PNPLA6: variants seen among roughly 807,000 people sequenced by gnomAD.
The protein encoded by PNPLA6 is patatin like domain 6, lysophospholipase, also known as patatin-like phospholipase domain-containing protein 6.
Under a neutral mutation model 153.7 loss-of-function variants are expected in PNPLA6, and 105 were observed. That is an observed-to-expected ratio of 0.68 (90% CI 0.58 to 0.80). The LOEUF (loss-of-function observed/expected upper bound fraction) is 0.80, where lower values mean the gene tolerates loss of function less well. Among genes scored for constraint, PNPLA6 ranks in the 30% least tolerant of loss-of-function variants. PNPLA6 has a pLI of 0.00. For synonymous variants in PNPLA6, 825 were observed against 822.2 expected, an observed-to-expected ratio of 1.00 and a Z score of -0.06; for missense variants, 1,423 against 1,919.3, an observed-to-expected ratio of 0.74 and a Z score of 4.83.
chr19:7,545,909 C>CAA (rs554820974), intron 13 of PNPLA6, among the ~76,000 whole-genome samples: 321 of 100,088 alleles, frequency 3.2e-3, no homozygotes, highest in Middle Eastern at 5.8e-3. Flanking sequence ...GACCCTGTCT[C>CAA]AAAAAAAAAA....
Position 7,555,802 on chromosome 19 carries a change from G to C in PNPLA6, c.3093+39G>C, listed in dbSNP as rs769546587. ...GGAGGGATTGCTGCACCCCAGGAGT[G>C]CCATAAAACCCGTGGTTCCAACCTA... On this transcript the variant is annotated intron_variant, in intron 24 of 31. Coordinates refer to ENST00000600737, the MANE Select transcript of PNPLA6 (RefSeq NM_001166114.2). This position sits in a 1 kb window ranked among gnomAD's most constrained non-coding sequence, Gnocchi z 6.3. 1.2e-6 allele frequency: 2 copies of C among 1,606,824 alleles called. No homozygotes were observed. Among genetic ancestry groups the C allele is most frequent in the Non-Finnish European group, 1.7e-6 (2 of 1,177,760 alleles).
chr19:7,559,576 T>TGC (rs1293054570), intron 28 of PNPLA6, among the ~76,000 whole-genome samples: 1 of 152,164 alleles, frequency 6.6e-6, no homozygotes, highest in Non-Finnish European at 1.5e-5. Flanking sequence ...TGGTGGCTCA[T>TGC]GCTTGTAATC....
At position 7,550,025 on chromosome 19, in the gene PNPLA6, C is replaced by T. The variant is rs1184836575; in HGVS notation, c.1727C>T (p.Ala576Val). ...AQPGELVGQLAVLTGEPLIFT... is the reference protein window; with the variant it reads ...AQPGELVGQLVVLTGEPLIFT... The stretch of plus-strand genomic sequence containing the variant: ...CCCGGGGAACTGGTGGGGCAGCTGG[C>T]GGTGCTCACTGGCGAACCTCTCATC... Residue 576 changes from alanine (A) to valine (V), a missense_variant, in exon 14 of 32, where the codon GCG (alanine) becomes GTG (valine). Ala to Val is a moderately conservative substitution (Grantham distance 64). Around this residue, in one of 10 missense-constraint regions of PNPLA6, gnomAD observed 119 missense variants for 163.7 expected, o/e 0.73. Coordinates refer to ENST00000600737, the MANE Select transcript of PNPLA6 (RefSeq NM_001166114.2). The T allele has an allele frequency of 6.2e-7, 1 of 1,613,908 alleles. No individual in the cohort carries two copies. Among genetic ancestry groups the T allele is most frequent in the Non-Finnish European group, 8.5e-7 (1 of 1,180,036 alleles).
At position 7,561,233 on chromosome 19, in the gene PNPLA6, G is replaced by A; in HGVS notation, c.3939G>A (p.Glu1313=). The change falls in exon 31 of 32, where the codon GAG becomes GAA. Residue 1313 remains glutamate (E), a synonymous_variant. Transcript: ENST00000600737. ...GAGAGGAGTCAGATTGTCTGACAGA[G>A]TATGAGGAGGACGCCGGACCCGACT... ...ADGEESDCLT[E]YEEDAGPDCS... is the part of the protein sequence containing the mutation. The A allele has an allele frequency of 1.9e-6, 3 of 1,610,592 alleles. No individual in the cohort carries two copies. The highest frequency in any genetic ancestry group is 2.5e-6 in the Non-Finnish European group (3 of 1,178,960).
rs117630756 is a variant in PNPLA6, at chr19:7,542,084, C to A, written c.1252+17C>A. 44,719 of 1,597,114 alleles carry A rather than the reference C, an allele frequency of 0.028. 793 individuals carry two copies. The highest frequency in any genetic ancestry group is 0.033 in the Non-Finnish European group (38,474 of 1,174,244). ...ACATCTCAGGTTTGGAGCACTGGGTCTGCGGGGAGGGCCATGGAGCTTCCA... is the reference window on the plus strand; with the variant it reads ...ACATCTCAGGTTTGGAGCACTGGGTATGCGGGGAGGGCCATGGAGCTTCCA... On this transcript the variant is annotated intron_variant, in intron 10 of 31. Transcript: ENST00000600737.
chr19:7,534,905 G>A (rs185247203), upstream of PNPLA6: 401 of 160,354 alleles, frequency 2.5e-3, 2 homozygotes, highest in African/African-American at 9.2e-3. Flanking sequence ...TCTGAAACGT[G>A]GGTATCAGAC....
intron 10 of PNPLA6, 42 bp downstream of exon 10, chr19:7,542,109 A>G (rs1243217548): frequency 6.5e-7 from 1 of 1,527,622 alleles, no homozygotes; most frequent in Admixed American, 1.7e-5. Context: ...TGGAGCTTCC[A>G]GGTTTGAATC....
At chr19:7,556,228 A>T (rs749984855) in intron 24 of PNPLA6, among the ~76,000 whole-genome samples, 4 of 151,270 alleles carry the variant, frequency 2.6e-5, no homozygotes, top group Admixed American at 1.3e-4. Flanking sequence ...AGCCCGGCAA[A>T]TTTTTTTGTA....
Position 7,546,903 on chromosome 19 carries a change from A to G in PNPLA6, c.1609-3004A>G, listed in dbSNP as rs550437891. Among the ~76,000 whole-genome samples the G allele has an allele frequency of 7.6e-5, 9 of 118,538 alleles. No individual in the cohort carries two copies. In the Admixed American group the frequency reaches 7.8e-4, roughly 10 times the overall value. The allele number at this position is 118,538 out of a possible 152,430, so 77.8% of individuals were successfully genotyped here. On this transcript the variant is annotated intron_variant, in intron 13 of 31. Transcript: ENST00000600737. ...AGTTGAATTGCTGGGTTATAAGCCA[A>G]TTCAATTTTTTTTTTTTTTAAGAGG...
chr19:7,557,229 C>A lies in PNPLA6; in HGVS notation c.3342C>A (p.Cys1114Ter). 6.2e-7 allele frequency: 1 copy of A among 1,613,452 alleles called. No individual in the cohort carries two copies. Among genetic ancestry groups the A allele is most frequent in the Non-Finnish European group, 8.5e-7 (1 of 1,179,838 alleles). ...TGTCGGGCTACCTGCCCCCGCTGTG[C>A]GACCCCAAGGACGGGCACCTACTCA... ...MTLSGYLPPL[C>*]DPKDGHLLMD... Residue 1114 changes from cysteine (C) to a stop codon, truncating the protein, a stop_gained, in exon 27 of 32, where the codon TGC becomes TGA. Coordinates refer to ENST00000600737, the MANE Select transcript of PNPLA6 (RefSeq NM_001166114.2). LOFTEE classifies it high-confidence loss of function.
At chr19:7,559,793 A>G (rs1034253354) in intron 28 of PNPLA6, among the ~76,000 whole-genome samples, 1 of 151,566 alleles carries the variant, frequency 6.6e-6, no homozygotes, top group Non-Finnish European at 1.5e-5. Context: ...GCAGTGAGCT[A>G]TGATTGCGTC....
rs2023855732 is a variant in PNPLA6 at position 7,555,844 on chromosome 19, G to A, written c.3093+81G>A. ...TCCAACCTAACCTGATCCCATGGGGGAGCCTCCGGGGTCAGGGTGACCCTT... is the reference window on the plus strand; with the variant it reads ...TCCAACCTAACCTGATCCCATGGGGAAGCCTCCGGGGTCAGGGTGACCCTT... On this transcript the variant is annotated intron_variant, in intron 24 of 31. Coordinates refer to ENST00000600737, the MANE Select transcript of PNPLA6 (RefSeq NM_001166114.2). The surrounding 1 kb of genome is among the most constrained non-coding windows in gnomAD (Gnocchi z 6.3). 2 of 1,457,726 alleles carry A rather than the reference G, an allele frequency of 1.4e-6. No homozygotes were observed. The highest frequency in any genetic ancestry group is 1.9e-6 in the Non-Finnish European group (2 of 1,050,306). The allele number at this position is 1,457,726 out of a possible 1,614,324, so 90.3% of individuals were successfully genotyped here. A position where few individuals can be genotyped will look rare whatever the true frequency, so the allele number is the denominator to read the frequency against.
Position 7,541,259 on chromosome 19 carries a change from G to C in PNPLA6, c.925-95G>C. On this transcript the variant is annotated intron_variant, in intron 7 of 31. Coordinates refer to ENST00000600737, the MANE Select transcript of PNPLA6 (RefSeq NM_001166114.2). This position sits in a 1 kb window ranked among gnomAD's most constrained non-coding sequence, Gnocchi z 5.2. ...GACTGTGGGTCTCTCCCTGGTTCCC[G>C]CCCGACCCCTTATGCTGCGAACTAG... is the stretch of plus-strand genomic sequence containing the variant. 3 of 1,219,884 alleles carry C rather than the reference G, an allele frequency of 2.5e-6. No individual in the cohort carries two copies. Among genetic ancestry groups the C allele is most frequent in the Non-Finnish European group, 3.5e-6 (3 of 847,814 alleles). The allele number at this position is 1,219,884 out of a possible 1,614,324, so 75.6% of individuals were successfully genotyped here.
At position 7,542,864 on chromosome 19, in the gene PNPLA6, GC is replaced by G. The variant is rs1160737419; in HGVS notation, c.1468del (p.Arg490AlafsTer17). 1 of 1,613,120 alleles carries G rather than the reference GC, an allele frequency of 6.2e-7. No individual in the cohort carries two copies. Among genetic ancestry groups the G allele is most frequent in the Admixed American group, 1.7e-5 (1 of 60,034 alleles). On this transcript the variant is annotated frameshift_variant, in exon 12 of 32. Transcript: ENST00000600737. LOFTEE classifies it high-confidence loss of function. ...GGCTGCCCTTTCGGGCCCTACCAGG[GC>G]CGCCAGACCAGCAGCATCTTCGAGG... ...TGGCPFGPYQGRQTSSIFEAA... is the reference protein window; with the variant it reads ...TGGCPFGPYQXRQTSSIFEAA...
At chr19:7,558,745 T>TA in intron 27 of PNPLA6, 105 bp from the exon 28 acceptor site, 2 of 777,472 alleles carry the variant, frequency 2.6e-6, no homozygotes, top group Non-Finnish European at 4.2e-6. Context: ...TTCTCTCTTT[T>TA]TTTTTTGCGT....
intron 3 of PNPLA6, among the ~76,000 whole-genome samples, chr19:7,538,109 C>A (rs904890346): frequency 2.0e-5 from 3 of 152,132 alleles, no homozygotes; most frequent in Non-Finnish European, 4.4e-5. Flanking sequence ...GCTGTCTGAG[C>A]TTTCTGTGAC....
rs560246204 is a variant in PNPLA6, at chr19:7,558,782, G to A, written c.3398-68G>A. 4.4e-6 allele frequency: 5 copies of A among 1,127,124 alleles called. No homozygotes were observed. The South Asian group carries it at 5.2e-5, about 12-fold the overall frequency. 69.8% of individuals were successfully genotyped at this position (1,127,124 alleles called of 1,614,324 possible). ...ATCATTTGCATGATGGCATCTGTGG[G>A]ACTGGGTTGAACATCTCTGCCCCGG... On this transcript the variant is annotated intron_variant, in intron 27 of 31. Transcript: ENST00000600737.
Position 7,535,834 on chromosome 19 carries a change from A to G in PNPLA6, c.46A>G (p.Lys16Glu). 1 of 1,537,188 alleles carries G rather than the reference A, an allele frequency of 6.5e-7. No individual in the cohort carries two copies. The change falls in exon 1 of 32, where the codon AAG becomes GAG. Residue 16 changes from lysine to glutamate, a missense_variant. By Grantham distance (56) the Lys-to-Glu change is moderately conservative. Transcript: ENST00000600737. This position sits in a 1 kb window ranked among gnomAD's most constrained non-coding sequence, Gnocchi z 5.0. ...HGLATNSSGA[K>E]VAERDGFQDV... is the part of the protein sequence containing the mutation. Reference sequence around the variant, plus strand: ...GCTGGCTACGAACTCCTCGGGGGCGAAGGTGGCGGAGAGGGATGGGTTCCA... The same window carrying G: ...GCTGGCTACGAACTCCTCGGGGGCGGAGGTGGCGGAGAGGGATGGGTTCCA...
chr19:7,537,710 C>T (rs979112902), intron 3 of PNPLA6, among the ~76,000 whole-genome samples: 4 of 152,168 alleles, frequency 2.6e-5, no homozygotes, highest in African/African-American at 9.7e-5. Context: ...GGCACGATCT[C>T]GGCTCACTGC....
Sources: gnomAD v4.1 joint callset for allele counts (sites outside exome capture counted in the v4.1 genomes callset) on GRCh38, gnomAD v4.1.1 for gene constraint, gnomAD v4.1.1 regional missense constraint, Gnocchi (gnomAD v3.1) non-coding constraint, MANE v1.5 for transcripts, NCBI Gene and HGNC (gene_info 2026-07-23, HGNC 2026-07-21) for gene names.